The following BMP5 variants were observed in gnomAD, a reference collection of about 807,000 sequenced individuals.
BMP5 encodes the protein bone morphogenetic protein 5.
Under a neutral mutation model 46.6 loss-of-function variants are expected in BMP5, and 23 were observed. That is an observed-to-expected ratio of 0.49 (90% CI 0.35 to 0.70). The LOEUF is 0.70. Among genes scored for constraint, BMP5 ranks in the 30% least tolerant of loss-of-function variants. BMP5 has a pLI of 0.00. For synonymous variants in BMP5, 204 were observed against 191.9 expected, an observed-to-expected ratio of 1.06 and a Z score of -0.52; for missense variants, 545 against 565.6, an observed-to-expected ratio of 0.96 and a Z score of 0.37.
chr6:55,872,057 A>G (rs1777800340), intron 1 of BMP5, among the ~76,000 whole-genome samples: 1 of 151,844 alleles, frequency 6.6e-6, no homozygotes, highest in Admixed American at 6.6e-5. Flanking sequence ...TAATGTTATT[A>G]CACTTTCACC....
intron 6 of BMP5, 77 bp from the exon 7 acceptor site, chr6:55,755,759 T>G: frequency 7.2e-7 from 1 of 1,383,282 alleles, no homozygotes; most frequent in South Asian, 1.2e-5. Context: ...GGTATGATTA[T>G]TTTATCACTC....
chr6:55,798,813 G>A lies in BMP5; in HGVS notation c.684-4386C>T, dbSNP rs77902628. On this transcript the variant is annotated intron_variant, in intron 2 of 6. Transcript: ENST00000370830. ...TTATACATGGGCTATTGGTATGTTT[G>A]TGTATATTTACTTGCATGAGTGCCT... 2.3e-3 allele frequency among the ~76,000 whole-genome samples: 350 copies of A among 152,268 alleles called. 1 individual carries two copies. The highest frequency in any genetic ancestry group is 8.2e-3 in the African/African-American group (339 of 41,556).
rs78385014 is a variant in BMP5, at chr6:55,820,291, C to T, written c.491-444G>A. 9.5e-3 allele frequency among the ~76,000 whole-genome samples: 1,453 copies of T among 152,246 alleles called. 24 individuals carry two copies. Among genetic ancestry groups the T allele is most frequent in the African/African-American group, 0.033 (1,356 of 41,564 alleles). ...GGACTGAGTTGCAAGTATACAAGGACTGTGTTTATGGCCTTTCAAAGTTCA... is the reference window on the plus strand; with the variant it reads ...GGACTGAGTTGCAAGTATACAAGGATTGTGTTTATGGCCTTTCAAAGTTCA... On this transcript the variant is annotated intron_variant, in intron 1 of 6. Transcript: ENST00000370830.
chr6:55,788,229 AG>A (rs780716343), intron 3 of BMP5, among the ~76,000 whole-genome samples: 2 of 151,712 alleles, frequency 1.3e-5, no homozygotes, highest in Non-Finnish European at 3.0e-5. Context: ...CATTACGAAA[AG>A]CTTGTTTCCC....
intron 4 of BMP5, 99 bp from the exon 5 acceptor site, chr6:55,760,632 T>C (rs1774749254): frequency 9.4e-7 from 1 of 1,060,660 alleles, no homozygotes; most frequent in Non-Finnish European, 1.4e-6. Flanking sequence ...GGGGTTTTAT[T>C]TGAAGTTGTG....
intron 1 of BMP5, among the ~76,000 whole-genome samples, chr6:55,842,684 C>T (rs566169209): frequency 4.6e-5 from 7 of 151,826 alleles, no homozygotes; most frequent in African/African-American, 1.7e-4. Flanking sequence ...AAATTGGGGT[C>T]TTCTTTTGTG....
At chr6:55,853,632 G>T (rs1777309587) in intron 1 of BMP5, among the ~76,000 whole-genome samples, 1 of 152,116 alleles carries the variant, frequency 6.6e-6, no homozygotes, top group Admixed American at 6.5e-5. Flanking sequence ...GTTGAGCAAA[G>T]TTTTAAAAAT....
intron 1 of BMP5, among the ~76,000 whole-genome samples, chr6:55,832,811 A>G (rs9475418): frequency 0.031 from 4,705 of 152,124 alleles, 245 homozygotes; most frequent in African/African-American, 0.11. Context: ...GGTTTTGTTC[A>G]TTTAAAAATA....
At chr6:55,760,839 C>T (rs914380470) in intron 4 of BMP5, among the ~76,000 whole-genome samples, 1 of 151,850 alleles carries the variant, frequency 6.6e-6, no homozygotes, top group Non-Finnish European at 1.5e-5. Context: ...GTACCATCTG[C>T]TCAATGAATA....
At chr6:55,818,939 T>TAGAC (rs1258849007) in intron 2 of BMP5, among the ~76,000 whole-genome samples, 7 of 151,066 alleles carry the variant, frequency 4.6e-5, no homozygotes, top group African/African-American at 1.7e-4. Context: ...GATAGATAGA[T>TAGAC]AGATAGACAG....
chr6:55,802,328 C>T (rs1434205374), intron 2 of BMP5, among the ~76,000 whole-genome samples: 2 of 152,100 alleles, frequency 1.3e-5, no homozygotes, highest in African/African-American at 2.4e-5. Flanking sequence ...GTTACTATAC[C>T]ATGTGAATCA....
intron 1 of BMP5, among the ~76,000 whole-genome samples, chr6:55,863,408 T>G (rs2127554238): frequency 6.6e-6 from 1 of 152,334 alleles, no homozygotes; most frequent in African/African-American, 2.4e-5. Flanking sequence ...ATTCACTAGC[T>G]GGGTGACTTT....
intron 4 of BMP5, among the ~76,000 whole-genome samples, chr6:55,765,464 C>T (rs1774896217): frequency 6.6e-6 from 1 of 152,080 alleles, no homozygotes; most frequent in Admixed American, 6.5e-5. Flanking sequence ...CCTAAAGCAT[C>T]AGAAGACCTT....
At chr6:55,811,737 G>A (rs1349965899) in intron 2 of BMP5, among the ~76,000 whole-genome samples, 2 of 144,586 alleles carry the variant, frequency 1.4e-5, no homozygotes, top group Non-Finnish European at 3.0e-5. Flanking sequence ...CCCATTTGTT[G>A]TTTTGCCTAT....
intron 3 of BMP5, among the ~76,000 whole-genome samples, chr6:55,791,097 C>T (rs1356606243): frequency 1.3e-5 from 2 of 152,082 alleles, no homozygotes; most frequent in African/African-American, 4.8e-5. Context: ...TAGAAGAAAA[C>T]GTTAGGAATA....
chr6:55,841,502 A>C (rs1383680376), intron 1 of BMP5, among the ~76,000 whole-genome samples: 1 of 152,186 alleles, frequency 6.6e-6, no homozygotes, highest in East Asian at 1.9e-4. Context: ...TGCCACAACA[A>C]AATGCCACAG....
chr6:55,794,103 G>A (rs549598553), intron 3 of BMP5, among the ~76,000 whole-genome samples, 176 bp downstream of exon 3: 57 of 151,964 alleles, frequency 3.8e-4, no homozygotes, highest in African/African-American at 1.4e-3. Flanking sequence ...TAAATGTATT[G>A]GATAAATGTG....
At chr6:55,759,490 G>T (rs1388719825) in intron 5 of BMP5, among the ~76,000 whole-genome samples, 1 of 151,856 alleles carries the variant, frequency 6.6e-6, no homozygotes, top group African/African-American at 2.4e-5. Flanking sequence ...AACAGGAAAT[G>T]ATGAACTCTG....
chr6:55,794,358 A>G lies in BMP5; in HGVS notation c.753T>C (p.Asp251=). 6.2e-7 allele frequency: 1 copy of G among 1,614,030 alleles called. No homozygotes were observed. Among genetic ancestry groups the G allele is most frequent in the Non-Finnish European group, 8.5e-7 (1 of 1,179,892 alleles). Residue 251 remains aspartate (D), a synonymous_variant, in exon 3 of 7, where the codon GAT becomes GAC. Coordinates refer to ENST00000370830, the MANE Select transcript of BMP5 (RefSeq NM_021073.4). ...CCCAATGATTGCTGGTCACAGTGAT[A>G]TCAAAGACAAGCCAACCCACATCTA... The part of the protein sequence containing the change: ...QALDVGWLVF[D]ITVTSNHWVI...
Sources: gnomAD v4.1 joint callset for allele counts (sites outside exome capture counted in the v4.1 genomes callset) on GRCh38, gnomAD v4.1.1 for gene constraint, MANE v1.5 for transcripts, NCBI Gene and HGNC (gene_info 2026-07-23, HGNC 2026-07-21) for gene names.